KIAA1549L: variants seen among roughly 807,000 people sequenced by gnomAD.
KIAA1549L encodes KIAA1549 like.
KIAA1549L carries 88 observed loss-of-function variants against 160.7 expected under a neutral mutation model. The ratio of observed to expected loss-of-function variants is 0.55; its 90% CI spans 0.46 to 0.65. The LOEUF is 0.65. Ranked by LOEUF, KIAA1549L falls within the 30% of genes least tolerant of loss-of-function variation. The pLI is 0.00. For missense variants in KIAA1549L, 2,258 were observed against 2,437.5 expected (o/e 0.93, Z 1.55); for synonymous variants, 950 against 976.7 (o/e 0.97, Z 0.51).
rs112973565 is a variant in KIAA1549L, at chr11:33,617,751, G to A, written c.5280-782G>A. On this transcript the variant is annotated intron_variant, in intron 15 of 20. Transcript: ENST00000658780. ...ATGTTCATCATCTTCCATGGTGCCT[G>A]GCACATAGTAGGCATTCGGTAAATG... Among the ~76,000 whole-genome samples the A allele has an allele frequency of 3.8e-3, 578 of 152,262 alleles. 2 individuals are homozygous for A. Among genetic ancestry groups the A allele is most frequent in the Non-Finnish European group, 6.8e-3 (461 of 68,034 alleles).
At chr11:33,606,312 A>G (rs1312403949) in intron 13 of KIAA1549L, among the ~76,000 whole-genome samples, 1 of 152,214 alleles carries the variant, frequency 6.6e-6, no homozygotes, top group Non-Finnish European at 1.5e-5. Flanking sequence ...TCTCACCTCC[A>G]ACTCAAACAT....
intron 16 of KIAA1549L, among the ~76,000 whole-genome samples, chr11:33,633,746 AGTTCACAGGTAGTACAGT>A (rs1171970806): frequency 2.0e-5 from 3 of 152,198 alleles, no homozygotes; most frequent in Non-Finnish European, 2.9e-5. Flanking sequence ...TTGTTCTTGA[AGTTCACAGGTAGTACAGT>A]GTAGGGGCTG....
chr11:33,506,348 G>C (rs540344723), intron 1 of KIAA1549L, among the ~76,000 whole-genome samples: 2 of 152,306 alleles, frequency 1.3e-5, no homozygotes, highest in Non-Finnish European at 2.9e-5. Context: ...GGGGCTGCAA[G>C]GCGCTCGAGT....
intron 17 of KIAA1549L, among the ~76,000 whole-genome samples, chr11:33,646,480 G>A (rs541547741): frequency 6.6e-6 from 1 of 152,310 alleles, no homozygotes; most frequent in African/African-American, 2.4e-5. Flanking sequence ...TCTACCAGAT[G>A]AAAGTTGACA....
At chr11:33,385,250 A>G (rs1252001662) in intron 1 of KIAA1549L, among the ~76,000 whole-genome samples, 2 of 152,200 alleles carry the variant, frequency 1.3e-5, no homozygotes, top group East Asian at 1.9e-4. Context: ...TTGGCACCAT[A>G]TATGTCTGGG....
rs1241084237 is a variant in KIAA1549L, at chr11:33,670,793, AC to A, written c.*2642del. 1 of 152,224 alleles carries A rather than the reference AC, an allele frequency of 6.6e-6. No individual in the cohort carries two copies. Among genetic ancestry groups the A allele is most frequent in the Non-Finnish European group, 1.5e-5 (1 of 68,052 alleles). 9.4% of individuals were successfully genotyped at this position (152,224 alleles called of 1,614,324 possible). Reference sequence around the variant, plus strand: ...ATGAACAAACACCCTGTTCATCAGAACCCTCTAGATAGTCACAGAAGCCACA... The same window carrying A: ...ATGAACAAACACCCTGTTCATCAGAACCTCTAGATAGTCACAGAAGCCACA... On this transcript the variant is annotated 3_prime_UTR_variant, in exon 21 of 21. Coordinates refer to ENST00000658780, the MANE Select transcript of KIAA1549L (RefSeq NM_012194.3).
chr11:33,628,484 A>G (rs1027528055), intron 16 of KIAA1549L, among the ~76,000 whole-genome samples: 3 of 150,552 alleles, frequency 2.0e-5, no homozygotes, highest in African/African-American at 7.5e-5. Context: ...TTGGGCGCAT[A>G]TATATTTAGG....
At chr11:33,467,772 T>C (rs185366469) in intron 1 of KIAA1549L, among the ~76,000 whole-genome samples, 56 of 152,328 alleles carry the variant, frequency 3.7e-4, no homozygotes, top group African/African-American at 1.3e-3. Flanking sequence ...GGAAAAGTAA[T>C]GGTGACACCC....
intron 9 of KIAA1549L, among the ~76,000 whole-genome samples, chr11:33,569,133 G>T (rs1855156086): frequency 6.6e-6 from 1 of 152,030 alleles, no homozygotes; most frequent in Non-Finnish European, 1.5e-5. Context: ...CTCTTCTCAG[G>T]GTCTACTTCT....
rs777292166 is a variant in KIAA1549L at position 33,542,946 on chromosome 11, C to T, written c.1383C>T (p.Ala461=). The change falls in exon 2 of 21, where the codon GCC becomes GCT. Residue 461 remains alanine (A), a synonymous_variant. Transcript: ENST00000658780. ...SAAPENSRGP[A]LSAEHTSSLV... The stretch of plus-strand genomic sequence containing the variant: ...CTCCAGAGAATTCCAGAGGGCCCGC[C>T]CTTTCGGCAGAACACACCTCTTCTT... 8.1e-6 allele frequency: 13 copies of T among 1,614,074 alleles called. No homozygotes were observed. In the South Asian group the frequency reaches 1.2e-4, roughly 15 times the overall value.
At chr11:33,575,551 CTG>C (rs1369638783) in intron 10 of KIAA1549L, among the ~76,000 whole-genome samples, 1 of 152,194 alleles carries the variant, frequency 6.6e-6, no homozygotes, top group South Asian at 2.1e-4. Context: ...GGAAAGGAAA[CTG>C]AGGCTCAGAA....
At chr11:33,575,844 C>G (rs572563576) in intron 10 of KIAA1549L, among the ~76,000 whole-genome samples, 1 of 152,160 alleles carries the variant, frequency 6.6e-6, no homozygotes, top group Non-Finnish European at 1.5e-5. Context: ...GATCCGGAGA[C>G]TAAGGCCTTG....
chr11:33,574,677 C>G (rs748999131), intron 9 of KIAA1549L, 25 bp from the exon 10 acceptor site: 3 of 1,598,996 alleles, frequency 1.9e-6, no homozygotes, highest in African/African-American at 2.7e-5. Context: ...GCCCTGCAAA[C>G]ACTCGGCCTC....
intron 1 of KIAA1549L, among the ~76,000 whole-genome samples, chr11:33,455,104 A>G (rs1851796320): frequency 6.6e-6 from 1 of 152,160 alleles, no homozygotes; most frequent in African/African-American, 2.4e-5. Flanking sequence ...ACAAAACAAA[A>G]CAAAACAAAA....
chr11:33,586,170 G>A (rs1041902779), intron 11 of KIAA1549L, among the ~76,000 whole-genome samples: 9 of 152,298 alleles, frequency 5.9e-5, no homozygotes, highest in East Asian at 1.9e-4. Context: ...AGCCTTCACC[G>A]CCAAGCCTTA....
rs569489182 is a variant in KIAA1549L at position 33,674,095 on chromosome 11, C to T, written c.*5941C>T. 1 of 152,288 alleles carries T rather than the reference C, an allele frequency of 6.6e-6. No individual in the cohort carries two copies. The highest frequency in any genetic ancestry group is 2.1e-4 in the South Asian group (1 of 4,832). 9.4% of individuals were successfully genotyped at this position (152,288 alleles called of 1,614,324 possible). A position where few individuals can be genotyped will look rare whatever the true frequency, so the allele number is the denominator to read the frequency against. On this transcript the variant is annotated 3_prime_UTR_variant, in exon 21 of 21. Coordinates refer to ENST00000658780, the MANE Select transcript of KIAA1549L (RefSeq NM_012194.3). The stretch of plus-strand genomic sequence containing the variant: ...AAATAAAATGACAAAGGCTTTCATA[C>T]CCCAAAACCTGCCTGTTTCTCATTC...
At chr11:33,606,909 G>A (rs1196934544) in intron 14 of KIAA1549L, 87 bp downstream of exon 14, 2 of 1,187,546 alleles carry the variant, frequency 1.7e-6, no homozygotes, top group East Asian at 2.6e-5. Flanking sequence ...AATACTGGGT[G>A]CAGATTGCAC....
In KIAA1549L at chr11:33,545,037, C is replaced by T. The variant is rs539138528; in HGVS notation, c.3044C>T (p.Thr1015Ile). 4 of 1,614,022 alleles carry T rather than the reference C, an allele frequency of 2.5e-6. No individual in the cohort carries two copies. Among genetic ancestry groups the T allele is most frequent in the Non-Finnish European group, 3.4e-6 (4 of 1,179,878 alleles). ...PFTPTYMYARTGHTTSTHTAM... is the reference protein window; with the variant it reads ...PFTPTYMYARIGHTTSTHTAM... ...ACACCAACCTACATGTATGCAAGAA[C>T]AGGACATACCACGAGCACACATACA... The change falls in exon 3 of 21, where the codon ACA (threonine) becomes ATA (isoleucine). Residue 1015 changes from threonine (T) to isoleucine (I), a missense_variant. Thr to Ile is a moderately conservative substitution (Grantham distance 89). Coordinates refer to ENST00000658780, the MANE Select transcript of KIAA1549L (RefSeq NM_012194.3).
intron 1 of KIAA1549L, among the ~76,000 whole-genome samples, chr11:33,480,966 A>AT (rs1246881112): frequency 3.3e-5 from 5 of 152,022 alleles, no homozygotes; most frequent in Admixed American, 1.3e-4. Flanking sequence ...AGCAACTCAC[A>AT]TTTTTTTCCC....
Sources: allele counts gnomAD v4.1 joint callset (sites outside exome capture counted in the v4.1 genomes callset), GRCh38; gene constraint gnomAD v4.1.1; transcripts MANE v1.5; gene names NCBI Gene and HGNC (gene_info 2026-07-23, HGNC 2026-07-21).